VPS13B: variants seen among roughly 807,000 people sequenced by gnomAD.
The protein encoded by VPS13B is vacuolar protein sorting 13 homolog B.
In VPS13B, 285 loss-of-function variants were observed where a neutral mutation model predicts 426.4. The observed-to-expected ratio is 0.67, with a 90% CI of 0.61 to 0.74. The LOEUF is 0.74. VPS13B is among the 30% of genes least tolerant of loss of function. The probability of loss-of-function intolerance (pLI) is 0.00; values close to 1 mark genes in which losing one functional copy is unlikely to be tolerated. For missense variants in VPS13B, 4,537 were observed against 4,782.6 expected (o/e 0.95, Z 1.51); for synonymous variants, 1,676 against 1,676.4 (o/e 1.00, Z 0.01).
chr8:99,536,689 C>T (rs186714401), intron 30 of VPS13B: 1 of 534,492 alleles, frequency 1.9e-6, no homozygotes, highest in Non-Finnish European at 3.8e-6. Flanking sequence ...GAATCCCTGT[C>T]CCATGTCAGC....
At chr8:99,065,034 A>C (rs905238472) in intron 3 of VPS13B, among the ~76,000 whole-genome samples, 4 of 152,202 alleles carry the variant, frequency 2.6e-5, no homozygotes, top group African/African-American at 9.7e-5. Context: ...GGAGAAATAA[A>C]ATACTTTACA....
intron 15 of VPS13B, among the ~76,000 whole-genome samples, chr8:99,160,619 C>G (rs1415941323): frequency 6.9e-6 from 1 of 144,246 alleles, no homozygotes; most frequent in African/African-American, 2.6e-5. Flanking sequence ...CCACTGCACT[C>G]CAGCTTAGGC....
At chr8:99,120,378 T>G (rs1847880709) in intron 7 of VPS13B, 2 of 152,288 alleles carry the variant, frequency 1.3e-5, no homozygotes, top group South Asian at 4.1e-4. Context: ...AAAGTAATTT[T>G]TTTTTCTAAA....
chr8:99,064,624 GCT>G, intron 3 of VPS13B, among the ~76,000 whole-genome samples: 6 of 152,268 alleles, frequency 3.9e-5, no homozygotes, highest in African/African-American at 1.4e-4. Context: ...AACCAAATCT[GCT>G]TTTGATTAGT....
chr8:99,286,979 C>T lies in VPS13B; in HGVS notation c.2824+11725C>T, dbSNP rs186018764. On this transcript the variant is annotated intron_variant, in intron 19 of 61. Transcript: ENST00000357162. ...TTGAGTTTTACTTTTCAAATATTGC[C>T]GTACTAGGTTCCTTTCAGCCAGCTG... 1.2e-4 allele frequency among the ~76,000 whole-genome samples: 18 copies of T among 152,164 alleles called. No individual in the cohort carries two copies. The South Asian group carries it at 2.7e-3, about 23-fold the overall frequency.
At chr8:99,546,348 C>T (rs1404606712) in intron 30 of VPS13B, among the ~76,000 whole-genome samples, 1 of 151,768 alleles carries the variant, frequency 6.6e-6, no homozygotes, top group East Asian at 1.9e-4. Context: ...TGAAGTCTTA[C>T]AGTTTTTCAT....
rs1817677698 is a variant in VPS13B at position 99,875,914 on chromosome 8, C to G, written c.*248C>G. The G allele has an allele frequency of 4.0e-6, 2 of 501,166 alleles. No individual in the cohort carries two copies. The highest frequency in any genetic ancestry group is 4.3e-5 in the South Asian group (2 of 46,512). The allele number at this position is 501,166 out of a possible 1,614,324, so 31.0% of individuals were successfully genotyped here. ...ACATCATCTGATATGGACACAAGGCCAACAGTTTCCTTATTTACATCCTTA... is the reference window on the plus strand; with the variant it reads ...ACATCATCTGATATGGACACAAGGCGAACAGTTTCCTTATTTACATCCTTA... On this transcript the variant is annotated 3_prime_UTR_variant, in exon 62 of 62. Transcript: ENST00000357162.
In VPS13B at chr8:99,501,784, G is replaced by A. The variant is rs747647099; in HGVS notation, c.3968G>A (p.Ser1323Asn). Residue 1323 changes from serine to asparagine, a missense_variant, in exon 26 of 62, where the codon AGT becomes AAT. By Grantham distance (46) the Ser-to-Asn change is conservative. Transcript: ENST00000357162. ...SNIGGTSGRV[S>N]LWMQWVLPKI... Reference sequence around the variant, plus strand: ...ATTGGAGGAACCAGTGGACGTGTTAGTTTATGGATGCAGTGGGTGCTTCCC... The same window carrying A: ...ATTGGAGGAACCAGTGGACGTGTTAATTTATGGATGCAGTGGGTGCTTCCC... 6 of 1,614,098 alleles carry A rather than the reference G, an allele frequency of 3.7e-6. No homozygotes were observed.
rs1817681243 is a variant in VPS13B, at chr8:99,875,975, T to C, written c.*309T>C. 2.5e-6 allele frequency: 1 copy of C among 397,676 alleles called. No homozygotes were observed. The highest frequency in any genetic ancestry group is 2.0e-5 in the African/African-American group (1 of 49,218). The allele number at this position is 397,676 out of a possible 1,614,324, so 24.6% of individuals were successfully genotyped here. On this transcript the variant is annotated 3_prime_UTR_variant, in exon 62 of 62. Coordinates refer to ENST00000357162, the MANE Select transcript of VPS13B (RefSeq NM_152564.5). ...ATACTTCAAAGTGACAAAAACGTGT[T>C]CCTTCCCCACTTAGAGACAATGATT...
intron 17 of VPS13B, among the ~76,000 whole-genome samples, chr8:99,216,147 A>G (rs953373326): frequency 3.3e-5 from 5 of 152,160 alleles, no homozygotes; most frequent in African/African-American, 1.2e-4. Context: ...CCCTTGGGAA[A>G]AATTTGAATG....
intron 39 of VPS13B, among the ~76,000 whole-genome samples, chr8:99,743,306 C>T (rs1227043051): frequency 6.6e-6 from 1 of 151,828 alleles, no homozygotes; most frequent in East Asian, 1.9e-4. Flanking sequence ...CAAACCACTG[C>T]TCAATGAAAT....
chr8:99,249,573 G>A (rs1334148484), intron 17 of VPS13B, among the ~76,000 whole-genome samples: 3 of 151,762 alleles, frequency 2.0e-5, no homozygotes, highest in Admixed American at 6.6e-5. Context: ...ACAGACACCC[G>A]CCACCACGCC....
intron 33 of VPS13B, among the ~76,000 whole-genome samples, chr8:99,613,547 A>G (rs1827932849): frequency 6.6e-6 from 1 of 152,164 alleles, no homozygotes; most frequent in Non-Finnish European, 1.5e-5. Context: ...TTTATTTACT[A>G]GGTGCTTAAT....
chr8:99,551,592 T>A (rs772638631), intron 30 of VPS13B, among the ~76,000 whole-genome samples: 1 of 152,028 alleles, frequency 6.6e-6, no homozygotes, highest in Admixed American at 6.6e-5. Context: ...TTGGAAGTTA[T>A]GTGTTCCATA....
intron 43 of VPS13B, among the ~76,000 whole-genome samples, chr8:99,791,433 G>A (rs1812529060): frequency 6.6e-6 from 1 of 152,154 alleles, no homozygotes; most frequent in Admixed American, 6.5e-5. Context: ...TCCATTTCAA[G>A]AAGATATACA....
intron 50 of VPS13B, among the ~76,000 whole-genome samples, chr8:99,821,832 C>T (rs2130823245): frequency 6.6e-6 from 1 of 152,226 alleles, no homozygotes; most frequent in South Asian, 2.1e-4. Flanking sequence ...CACTAACGTT[C>T]TGAGCATAGA....
At chr8:99,849,790 A>G (rs990929585) in intron 55 of VPS13B, among the ~76,000 whole-genome samples, 1 of 152,192 alleles carries the variant, frequency 6.6e-6, no homozygotes, top group Non-Finnish European at 1.5e-5. Context: ...TATAAATGTT[A>G]CAACTGCAAA....
intron 19 of VPS13B, among the ~76,000 whole-genome samples, chr8:99,299,350 C>T (rs185013415): frequency 3.0e-4 from 45 of 152,090 alleles, no homozygotes; most frequent in African/African-American, 1.1e-3. Context: ...GTGTGAGCCA[C>T]TGTACCCGGC....
chr8:99,717,064 ACT>A (rs1480363684), intron 36 of VPS13B, 105 bp from the exon 37 acceptor site: 2 of 1,142,332 alleles, frequency 1.8e-6, no homozygotes, highest in African/African-American at 1.6e-5. Context: ...AAGCAAGACG[ACT>A]CTGACAAAGG....
Sources: allele counts gnomAD v4.1 joint callset (sites outside exome capture counted in the v4.1 genomes callset), GRCh38; gene constraint gnomAD v4.1.1; transcripts MANE v1.5; gene names NCBI Gene and HGNC (gene_info 2026-07-23, HGNC 2026-07-21).